Variants in UBAP1 observed in about 807,000 individuals in gnomAD.
UBAP1 encodes ubiquitin associated protein 1.
UBAP1 carries 5 observed loss-of-function variants against 39.0 expected under a neutral mutation model. That is an observed-to-expected ratio of 0.13 (90% CI 0.07 to 0.27). The LOEUF (loss-of-function observed/expected upper bound fraction) is 0.27. UBAP1 is among the 10% of genes least tolerant of loss of function. The pLI is 1.00. For missense variants in UBAP1, 490 were observed against 608.1 expected (o/e 0.81, Z 2.04); for synonymous variants, 211 against 225.1 (o/e 0.94, Z 0.56).
chr9:34,215,752 T>C (rs1563903060), intron 1 of UBAP1, among the ~76,000 whole-genome samples: 1 of 150,214 alleles, frequency 6.7e-6, no homozygotes. Context: ...TATATATATG[T>C]ACACACACAC....
At chr9:34,200,737 T>C (rs1415955192) in intron 1 of UBAP1, among the ~76,000 whole-genome samples, 1 of 152,200 alleles carries the variant, frequency 6.6e-6, no homozygotes, top group Non-Finnish European at 1.5e-5. Context: ...TTTGTCTGTT[T>C]CTGTCCTATC....
At chr9:34,230,944 G>A (rs767638908) in intron 2 of UBAP1, among the ~76,000 whole-genome samples, 14 of 151,954 alleles carry the variant, frequency 9.2e-5, no homozygotes, top group Non-Finnish European at 7.4e-5. Context: ...TTGAGAGGCC[G>A]AGGCGGGAAG....
intron 2 of UBAP1, chr9:34,224,108 TG>T: frequency 1.4e-6 from 1 of 737,414 alleles, no homozygotes; most frequent in Non-Finnish European, 2.1e-6. Flanking sequence ...AAGCTTGCCC[TG>T]CTGGAACTGC....
chr9:34,218,402 C>T (rs1339385923), intron 1 of UBAP1, among the ~76,000 whole-genome samples: 1 of 151,746 alleles, frequency 6.6e-6, no homozygotes, highest in Non-Finnish European at 1.5e-5. Context: ...AAGACTCAGC[C>T]TCTCTCAAGT....
At chr9:34,226,230 G>GTTTT (rs750656542) in intron 2 of UBAP1, among the ~76,000 whole-genome samples, 1 of 111,946 alleles carries the variant, frequency 8.9e-6, no homozygotes, top group African/African-American at 3.4e-5. Context: ...CCCGTTTCTT[G>GTTTT]TTTTTTTTTT....
intron 1 of UBAP1, among the ~76,000 whole-genome samples, chr9:34,195,443 A>G (rs770084110): frequency 3.3e-5 from 5 of 152,232 alleles, no homozygotes; most frequent in Admixed American, 6.5e-5. Context: ...TATTTTGTCC[A>G]TGTCTATATT....
chr9:34,202,257 G>A (rs1410989032), intron 1 of UBAP1, among the ~76,000 whole-genome samples: 3 of 151,946 alleles, frequency 2.0e-5, no homozygotes, highest in Admixed American at 1.3e-4. Context: ...CTCCACCTCC[G>A]AGTAGCTGGG....
chr9:34,223,783 C>A (rs1482337478), intron 2 of UBAP1, among the ~76,000 whole-genome samples: 1 of 152,202 alleles, frequency 6.6e-6, no homozygotes, highest in Non-Finnish European at 1.5e-5. Context: ...ATGAAACTTT[C>A]TACCTGAGTA....
Position 34,242,012 on chromosome 9 carries a change from C to T in UBAP1, c.987C>T (p.Gly329=). The T allele has an allele frequency of 6.2e-7, 1 of 1,614,206 alleles. No homozygotes were observed. The part of the protein sequence containing the change: ...LGLSALNLDS[G]TEMPALTSSQ... ...TTTCAGCTTTGAACTTGGACAGTGGCACAGAGATGCCAGCCCTGACATCCT... is the reference window on the plus strand; with the variant it reads ...TTTCAGCTTTGAACTTGGACAGTGGTACAGAGATGCCAGCCCTGACATCCT... Residue 329 remains glycine, a synonymous_variant, in exon 4 of 7, where the codon GGC becomes GGT. Transcript: ENST00000297661.
chr9:34,247,899 A>G (rs933141237), intron 4 of UBAP1, among the ~76,000 whole-genome samples: 1 of 152,214 alleles, frequency 6.6e-6, no homozygotes, highest in African/African-American at 2.4e-5. Flanking sequence ...ATTTCTTCAG[A>G]CTAGTTTCCT....
In UBAP1 at chr9:34,226,123, G is replaced by GTGTGTGTGTGTGTGTGTGTGTT. The variant is rs1563911215; in HGVS notation, c.34+5196_34+5197insTTGTGTGTGTGTGTGTGTGTGT. Among the ~76,000 whole-genome samples the GTGTGTGTGTGTGTGTGTGTGTT allele has an allele frequency of 6.3e-4, 66 of 104,656 alleles. 1 individual carries two copies. The highest frequency in any genetic ancestry group is 5.2e-3 in the South Asian group (12 of 2,330). The allele number at this position is 104,656 out of a possible 152,430, so 68.7% of individuals were successfully genotyped here. A position where few individuals can be genotyped will look rare whatever the true frequency, so the allele number is the denominator to read the frequency against. ...TACTCTATTGTGTGTGTGTGTGTGT[G>GTGTGTGTGTGTGTGTGTGTGTT]TGTGTGTGTGTGTGTGTGTGTGTGT... On this transcript the variant is annotated intron_variant, in intron 2 of 6. Transcript: ENST00000297661.
rs143387732 is a variant in UBAP1, at chr9:34,187,193, C to G, written c.-8+7953C>G. ...AAAGTGCTGGGATTACAGGCGTGAG[C>G]CACTGCGCCCGGCTGGTTTGTGCTT... On this transcript the variant is annotated intron_variant, in intron 1 of 6. Coordinates refer to ENST00000297661, the MANE Select transcript of UBAP1 (RefSeq NM_016525.5). 9.6e-3 allele frequency among the ~76,000 whole-genome samples: 1,460 copies of G among 152,344 alleles called. 79 individuals are homozygous for G. In the East Asian group the frequency reaches 0.15, roughly 16 times the overall value.
chr9:34,224,820 T>G (rs1373046292), intron 2 of UBAP1, among the ~76,000 whole-genome samples: 2 of 152,188 alleles, frequency 1.3e-5, no homozygotes, highest in African/African-American at 4.8e-5. Flanking sequence ...AGCCAGGAAC[T>G]AAGGCTACTC....
At chr9:34,246,423 T>A (rs1027321935) in intron 4 of UBAP1, among the ~76,000 whole-genome samples, 1 of 152,250 alleles carries the variant, frequency 6.6e-6, no homozygotes, top group Non-Finnish European at 1.5e-5. Context: ...GTAAAGACAT[T>A]TTAGTGTGTT....
intron 1 of UBAP1, among the ~76,000 whole-genome samples, chr9:34,184,260 A>G (rs1326569750): frequency 6.6e-6 from 1 of 152,094 alleles, no homozygotes; most frequent in East Asian, 1.9e-4. Context: ...CAAGATTCAC[A>G]AAGGAAAGGG....
chr9:34,231,340 G>A (rs1417871665), intron 2 of UBAP1, among the ~76,000 whole-genome samples: 3 of 150,476 alleles, frequency 2.0e-5, no homozygotes, highest in African/African-American at 7.3e-5. Context: ...TCAGCCTCCC[G>A]AGTAGCTGGG....
intron 1 of UBAP1, among the ~76,000 whole-genome samples, chr9:34,203,311 C>CT (rs1424422450): frequency 6.6e-6 from 1 of 152,174 alleles, no homozygotes; most frequent in Non-Finnish European, 1.5e-5. Flanking sequence ...GACCCTGTCT[C>CT]TAAAAACAAG....
At chr9:34,228,948 C>T (rs1232491078) in intron 2 of UBAP1, among the ~76,000 whole-genome samples, 1 of 152,034 alleles carries the variant, frequency 6.6e-6, no homozygotes, top group Non-Finnish European at 1.5e-5. Flanking sequence ...AATCACTGAA[C>T]TATTTGTTCA....
chr9:34,212,451 A>T (rs925206093), intron 1 of UBAP1, among the ~76,000 whole-genome samples: 4 of 147,136 alleles, frequency 2.7e-5, no homozygotes, highest in Non-Finnish European at 6.0e-5. Flanking sequence ...TATTTATTAT[A>T]TGCTTTTTAA....
Sources: allele counts gnomAD v4.1 joint callset (sites outside exome capture counted in the v4.1 genomes callset), GRCh38; gene constraint gnomAD v4.1.1; transcripts MANE v1.5; gene names NCBI Gene and HGNC (gene_info 2026-07-23, HGNC 2026-07-21).